Variants in ENTHD1 observed in about 807,000 individuals in gnomAD.
ENTHD1 encodes the protein ENTH domain containing 1.
A neutral mutation model predicts 39.1 loss-of-function variants in ENTHD1; 23 were observed. That is an observed-to-expected ratio of 0.59 (90% CI 0.42 to 0.83). The LOEUF (loss-of-function observed/expected upper bound fraction) is 0.83. Among genes scored for constraint, ENTHD1 ranks in the 40% least tolerant of loss-of-function variants. ENTHD1 has a pLI of 0.00. For synonymous variants in ENTHD1, 230 were observed against 258.2 expected (o/e 0.89, Z 1.05); for missense variants, 624 against 705.4 (o/e 0.88, Z 1.31).
intron 6 of ENTHD1, among the ~76,000 whole-genome samples, chr22:39,754,970 C>T (rs948571489): frequency 2.6e-5 from 4 of 152,198 alleles, no homozygotes; most frequent in Admixed American, 2.6e-4. Flanking sequence ...CCAGTGTTTT[C>T]TTCTACCGCT....
At chr22:39,834,929 G>T (rs1198945041) in intron 4 of ENTHD1, among the ~76,000 whole-genome samples, 1 of 152,152 alleles carries the variant, frequency 6.6e-6, no homozygotes, top group Non-Finnish European at 1.5e-5. Context: ...GACAAACACT[G>T]CAGAGATGGA....
intron 5 of ENTHD1, among the ~76,000 whole-genome samples, chr22:39,807,972 G>C (rs1484782413): frequency 6.6e-6 from 1 of 151,824 alleles, no homozygotes; most frequent in African/African-American, 2.4e-5. Context: ...ACAGTCAAAA[G>C]GTTTGAAACA....
chr22:39,786,435 C>G (rs1222459273), intron 5 of ENTHD1, among the ~76,000 whole-genome samples: 1 of 152,120 alleles, frequency 6.6e-6, no homozygotes, highest in African/African-American at 2.4e-5. Flanking sequence ...TTTTTACTTT[C>G]AAGTGCAGAG....
At chr22:39,850,255 A>G (rs1345409227) in intron 3 of ENTHD1, among the ~76,000 whole-genome samples, 1 of 152,128 alleles carries the variant, frequency 6.6e-6, no homozygotes, top group Non-Finnish European at 1.5e-5. Flanking sequence ...AAGTTATTTT[A>G]CTGGGTATAT....
chr22:39,855,105 C>T (rs2146712476), intron 3 of ENTHD1, among the ~76,000 whole-genome samples: 1 of 152,304 alleles, frequency 6.6e-6, no homozygotes, highest in Non-Finnish European at 1.5e-5. Flanking sequence ...AAACAACTGT[C>T]TCTTACAAGC....
intron 5 of ENTHD1, among the ~76,000 whole-genome samples, chr22:39,774,595 A>G (rs1462901803): frequency 2.0e-5 from 3 of 152,196 alleles, no homozygotes; most frequent in African/African-American, 4.8e-5. Context: ...CACTCTACAC[A>G]GCCCAGCCAG....
Position 39,765,575 on chromosome 22 carries a change from A to G in ENTHD1, c.867T>C (p.Ser289=). ...AVPTLSENSP[S]GQRDVSLDKR... Reference sequence around the variant, plus strand: ...TGTCCAAACTCACATCTCTCTGCCCAGAAGGACTATTTTCTGAGAGAGTAG... The same window carrying G: ...TGTCCAAACTCACATCTCTCTGCCCGGAAGGACTATTTTCTGAGAGAGTAG... Residue 289 remains serine, a synonymous_variant, in exon 6 of 7, where the codon TCT becomes TCC. Transcript: ENST00000325157. 1 of 1,613,302 alleles carries G rather than the reference A, an allele frequency of 6.2e-7. No individual in the cohort carries two copies. The highest frequency in any genetic ancestry group is 8.5e-7 in the Non-Finnish European group (1 of 1,179,684).
At chr22:39,791,994 T>C (rs2065508103) in intron 5 of ENTHD1, among the ~76,000 whole-genome samples, 1 of 152,154 alleles carries the variant, frequency 6.6e-6, no homozygotes, top group African/African-American at 2.4e-5. Flanking sequence ...GGTATTTGGT[T>C]TTCTGTTCCT....
rs781349511 is a variant in ENTHD1, at chr22:39,835,854, A to G, written c.697T>C (p.Trp233Arg). ...QETLPLKIHG[W>R]KSTEDLMTFL... ...TATAGACTTACCTCTGTTGATTTCC[A>G]ACCATGAATCTTGAGTGGAAGTGTT... The change falls in exon 4 of 7, where the codon TGG (tryptophan) becomes CGG (arginine). Residue 233 changes from tryptophan (W) to arginine (R), a missense_variant. Physicochemically the swap from Trp to Arg is moderately radical, Grantham distance 101 (BLOSUM62 -3). Transcript: ENST00000325157. The G allele has an allele frequency of 1.9e-6, 3 of 1,608,028 alleles. No individual in the cohort carries two copies. The highest frequency in any genetic ancestry group is 2.2e-5 in the East Asian group (1 of 44,568).
chr22:39,847,059 A>T lies in ENTHD1; in HGVS notation c.593-11101T>A, dbSNP rs1279105171. Among the ~76,000 whole-genome samples the T allele has an allele frequency of 2.0e-5, 3 of 152,142 alleles. No individual in the cohort carries two copies. The East Asian group carries it at 5.8e-4, about 29-fold the overall frequency. On this transcript the variant is annotated intron_variant, in intron 3 of 6. Transcript: ENST00000325157. ...CCATTACTGGGTATATACCCAAAGG[A>T]CACATGCACACGTATGTTTATTGCG...
intron 5 of ENTHD1, among the ~76,000 whole-genome samples, chr22:39,780,015 G>A (rs2065395390): frequency 6.6e-6 from 1 of 152,098 alleles, no homozygotes; most frequent in Non-Finnish European, 1.5e-5. Flanking sequence ...AAAGAAGATA[G>A]AAGTTACAAA....
At position 39,887,866 on chromosome 22, in the gene ENTHD1, C is replaced by G. The variant is rs2066393624; in HGVS notation, c.-118G>C. 1.5e-6 allele frequency: 1 copy of G among 657,368 alleles called. No homozygotes were observed. The highest frequency in any genetic ancestry group is 2.5e-6 in the Non-Finnish European group (1 of 403,832). 40.7% of individuals were successfully genotyped at this position (657,368 alleles called of 1,614,324 possible). On this transcript the variant is annotated 5_prime_UTR_variant, in exon 2 of 7. Coordinates refer to ENST00000325157, the MANE Select transcript of ENTHD1 (RefSeq NM_152512.4). ...TCCCCAGTTCTGCTGCTCCCAAATA[C>G]AAATAATTAATCTCTATGTTGATAA...
At chr22:39,800,534 G>GT (rs1299754370) in intron 5 of ENTHD1, among the ~76,000 whole-genome samples, 1 of 152,224 alleles carries the variant, frequency 6.6e-6, no homozygotes, top group Admixed American at 6.5e-5. Flanking sequence ...CCTAGAGTCA[G>GT]TTTAGCCTCC....
intron 3 of ENTHD1, among the ~76,000 whole-genome samples, chr22:39,843,284 A>G (rs971045602): frequency 6.6e-6 from 1 of 152,170 alleles, no homozygotes; most frequent in African/African-American, 2.4e-5. Flanking sequence ...GCAGCCATAA[A>G]AAATGATGAG....
At chr22:39,765,080 C>T (rs1323768408) in intron 6 of ENTHD1, 143 bp downstream of exon 6, 1 of 1,348,642 alleles carries the variant, frequency 7.4e-7, no homozygotes, top group Non-Finnish European at 9.8e-7. Context: ...ATGGCATGTA[C>T]ATTTTAATAT....
chr22:39,811,194 G>C (rs1206811474), intron 5 of ENTHD1, among the ~76,000 whole-genome samples: 2 of 152,190 alleles, frequency 1.3e-5, no homozygotes, highest in African/African-American at 4.8e-5. Context: ...ATCTTGAAAT[G>C]CCCAACATAA....
intron 2 of ENTHD1, among the ~76,000 whole-genome samples, chr22:39,865,350 C>T (rs2066174279): frequency 6.6e-6 from 1 of 152,008 alleles, no homozygotes. Flanking sequence ...ACTACCCTAG[C>T]TTGCTATCAT....
chr22:39,838,883 C>G (rs1447002156), intron 3 of ENTHD1, among the ~76,000 whole-genome samples: 1 of 151,690 alleles, frequency 6.6e-6, no homozygotes, highest in African/African-American at 2.4e-5. Context: ...AAACATATGA[C>G]TTCAGAGAGA....
chr22:39,875,524 T>C, intron 2 of ENTHD1: 1 of 1,607,530 alleles, frequency 6.2e-7, no homozygotes. Context: ...CTGTTTGTTA[T>C]TCCCACACAG....
Sources: allele counts gnomAD v4.1 joint callset (sites outside exome capture counted in the v4.1 genomes callset), GRCh38; gene constraint gnomAD v4.1.1; transcripts MANE v1.5; gene names NCBI Gene and HGNC (gene_info 2026-07-23, HGNC 2026-07-21).